Variants in WASF2 observed in about 807,000 individuals in gnomAD.
The protein encoded by WASF2 is WASP family member 2, also known as actin-binding protein WASF2.
Under a neutral mutation model 45.0 loss-of-function variants are expected in WASF2, and 14 were observed. The ratio of observed to expected loss-of-function variants is 0.31; its 90% CI spans 0.21 to 0.49. The LOEUF is 0.49. WASF2 is among the 20% of genes least tolerant of loss of function. WASF2 has a pLI of 0.99. For synonymous variants in WASF2, 200 were observed against 236.3 expected, an observed-to-expected ratio of 0.85 and a Z score of 1.41; for missense variants, 439 against 636.1, an observed-to-expected ratio of 0.69 and a Z score of 3.33.
chr1:27,470,173 C>CGCCTGTA (rs2017670201), intron 1 of WASF2, among the ~76,000 whole-genome samples: 1 of 152,172 alleles, frequency 6.6e-6, no homozygotes, highest in South Asian at 2.1e-4. Context: ...CGCATTATTG[C>CGCCTGTA]GCCTGTAGTG....
chr1:27,449,394 T>C (rs1237372108), intron 1 of WASF2, among the ~76,000 whole-genome samples: 1 of 151,962 alleles, frequency 6.6e-6, no homozygotes, highest in African/African-American at 2.4e-5. Context: ...AGGTCAGGAG[T>C]TCGAGACCAG....
chr1:27,418,262 C>T lies in WASF2; in HGVS notation c.419+7G>A, dbSNP rs2016852598. The T allele has an allele frequency of 2.5e-6, 4 of 1,611,904 alleles. No individual in the cohort carries two copies. The South Asian group carries it at 4.4e-5, about 18-fold the overall frequency. On this transcript the variant is annotated splice_region_variant and intron_variant, in intron 4 of 8. Transcript: ENST00000618852. ...GTTGAAAAAGGGAGGAACTAGCCAG[C>T]CATTACCTGTAAGGGGTAAGATTGT...
chr1:27,475,730 T>G (rs1215182757), intron 1 of WASF2, among the ~76,000 whole-genome samples: 1 of 152,278 alleles, frequency 6.6e-6, no homozygotes, highest in Admixed American at 6.5e-5. Context: ...TGGGTTCAAG[T>G]GATCCTCCCA....
At chr1:27,447,202 T>C (rs1194117608) in intron 1 of WASF2, among the ~76,000 whole-genome samples, 1 of 152,218 alleles carries the variant, frequency 6.6e-6, no homozygotes, top group Non-Finnish European at 1.5e-5. Context: ...TATATTTACA[T>C]TAACACAGAA....
chr1:27,475,635 C>T (rs2017756050), intron 1 of WASF2, among the ~76,000 whole-genome samples: 1 of 151,834 alleles, frequency 6.6e-6, no homozygotes, highest in South Asian at 2.1e-4. Flanking sequence ...TTGTTTTGTT[C>T]TGTTTTGTTT....
At chr1:27,409,452 A>AAAAAAAAAG (rs1557594400) in intron 8 of WASF2, among the ~76,000 whole-genome samples, 1 of 146,270 alleles carries the variant, frequency 6.8e-6, no homozygotes, top group Admixed American at 6.7e-5. Flanking sequence ...AAAAAAAAAA[A>AAAAAAAAAG]AAAAGAAAAG....
Position 27,414,987 on chromosome 1 carries a change from G to A in WASF2, c.538-24C>T. On this transcript the variant is annotated intron_variant, in intron 5 of 8. Coordinates refer to ENST00000618852, the MANE Select transcript of WASF2 (RefSeq NM_006990.5). The surrounding 1 kb of genome is among the most constrained non-coding windows in gnomAD (Gnocchi z 4.1). Reference sequence around the variant, plus strand: ...TTCTATAATGAAAAGGAACAGGAAGGTCTTTGTAGAACATTTTCCAAGTTC... The same window carrying A: ...TTCTATAATGAAAAGGAACAGGAAGATCTTTGTAGAACATTTTCCAAGTTC... 6.2e-7 allele frequency: 1 copy of A among 1,611,358 alleles called. No individual in the cohort carries two copies. The highest frequency in any genetic ancestry group is 8.5e-7 in the Non-Finnish European group (1 of 1,178,694).
chr1:27,413,078 C>T (rs1225836691), intron 6 of WASF2, among the ~76,000 whole-genome samples: 1 of 152,158 alleles, frequency 6.6e-6, no homozygotes, highest in African/African-American at 2.4e-5. Flanking sequence ...AAAGTCTGTC[C>T]TGTGACAAAT....
At chr1:27,411,746 C>G (rs912560566) in intron 7 of WASF2, among the ~76,000 whole-genome samples, 2 of 152,142 alleles carry the variant, frequency 1.3e-5, no homozygotes, top group Non-Finnish European at 2.9e-5. Context: ...GCCTGTAGTC[C>G]CAGCTACTCG....
chr1:27,448,899 C>T (rs2148123743), intron 1 of WASF2, among the ~76,000 whole-genome samples: 1 of 150,440 alleles, frequency 6.6e-6, no homozygotes, highest in East Asian at 2.0e-4. Flanking sequence ...CCTTCGGTTT[C>T]ATCTCCTGTC....
chr1:27,454,812 T>C (rs908603144), intron 1 of WASF2, among the ~76,000 whole-genome samples: 1 of 151,846 alleles, frequency 6.6e-6, no homozygotes, highest in African/African-American at 2.4e-5. Context: ...TAGTATTCTA[T>C]TGTAGGAACA....
Position 27,409,199 on chromosome 1 carries a change from C to T in WASF2, c.1339+493G>A, listed in dbSNP as rs1022138675. ...CAGCACTTTGGGAGGCCGAGGCGGG[C>T]GGATCACAAGGTCAGGAGATCAAGA... On this transcript the variant is annotated intron_variant, in intron 8 of 8. Transcript: ENST00000618852. Among the ~76,000 whole-genome samples the T allele has an allele frequency of 2.4e-4, 37 of 151,542 alleles. 1 individual carries two copies. In the Middle Eastern group the frequency reaches 0.01, roughly 42 times the overall value.
chr1:27,418,962 T>A lies in WASF2; in HGVS notation c.257A>T (p.Glu86Val), dbSNP rs764823334. 1 of 1,613,772 alleles carries A rather than the reference T, an allele frequency of 6.2e-7. No homozygotes were observed. The highest frequency in any genetic ancestry group is 1.7e-5 in the Admixed American group (1 of 59,986). ...QVKVTQLDPK[E>V]EEVSLQGINT... ...GAGCTCAGCTTTCTTACCTTCTTCT[T>A]CCTTGGGATCCAGCTGAGTGACTTT... Residue 86 changes from glutamate to valine, a missense_variant, in exon 3 of 9, where the codon GAA (glutamate) becomes GTA (valine). Glu to Val is a moderately radical substitution (Grantham distance 121). This residue lies in a region of WASF2 where 98 missense variants were observed against 120.7 expected (regional missense o/e 0.81). Transcript: ENST00000618852.
intron 1 of WASF2, among the ~76,000 whole-genome samples, chr1:27,482,408 A>G (rs2017863994): frequency 6.6e-6 from 1 of 152,228 alleles, no homozygotes; most frequent in Non-Finnish European, 1.5e-5. Context: ...GATACATCTT[A>G]GCCATGAAGC....
At chr1:27,468,597 C>G (rs1238314596) in intron 1 of WASF2, among the ~76,000 whole-genome samples, 1 of 151,426 alleles carries the variant, frequency 6.6e-6, no homozygotes, top group African/African-American at 2.4e-5. Context: ...GCCGAGATTG[C>G]GCCATTGCAC....
intron 1 of WASF2, among the ~76,000 whole-genome samples, chr1:27,444,743 G>A (rs78755444): frequency 0.016 from 2,489 of 152,284 alleles, 66 homozygotes; most frequent in African/African-American, 0.056. Flanking sequence ...ACAACAAAGG[G>A]TATCAGTCTT....
At chr1:27,450,846 CCTT>C (rs1419117962) in intron 1 of WASF2, among the ~76,000 whole-genome samples, 3 of 151,908 alleles carry the variant, frequency 2.0e-5, no homozygotes, top group African/African-American at 4.8e-5. Flanking sequence ...CCCTTCCCTC[CCTT>C]CTTCATTTCT....
chr1:27,489,252 GCACACACACACA>G (rs60315426), intron 1 of WASF2, among the ~76,000 whole-genome samples: 15 of 80,248 alleles, frequency 1.9e-4, no homozygotes, highest in Non-Finnish European at 2.6e-4. Flanking sequence ...CTGTACGCGC[GCACACACACACA>G]CACACACACA....
rs182155627 is a variant in WASF2 at position 27,422,040 on chromosome 1, A to G, written c.131-2952T>C. On this transcript the variant is annotated intron_variant, in intron 2 of 8. Coordinates refer to ENST00000618852, the MANE Select transcript of WASF2 (RefSeq NM_006990.5). Reference sequence around the variant, plus strand: ...AACCATCCAGCTATTCTGGAGGGGGAAAAAAAAAAAACAATCAACTTACAC... The same window carrying G: ...AACCATCCAGCTATTCTGGAGGGGGGAAAAAAAAAAACAATCAACTTACAC... Among the ~76,000 whole-genome samples, 612 of 144,008 alleles carry G rather than the reference A, an allele frequency of 4.2e-3. 4 individuals are homozygous for G. The highest frequency in any genetic ancestry group is 0.014 in the African/African-American group (569 of 39,454). The allele number at this position is 144,008 out of a possible 152,430, so 94.5% of individuals were successfully genotyped here.
Sources: allele counts gnomAD v4.1 joint callset (sites outside exome capture counted in the v4.1 genomes callset), GRCh38; gene constraint gnomAD v4.1.1; regional missense constraint gnomAD v4.1.1; non-coding constraint Gnocchi (gnomAD v3.1); transcripts MANE v1.5; gene names NCBI Gene and HGNC (gene_info 2026-07-23, HGNC 2026-07-21).